The following CCDC9 variants were observed in gnomAD, a reference collection of about 807,000 sequenced individuals.
The protein encoded by CCDC9 is coiled-coil domain-containing protein 9.
Under a neutral mutation model 65.6 loss-of-function variants are expected in CCDC9, and 52 were observed. The observed-to-expected ratio is 0.79, with a 90% confidence interval of 0.63 to 1.00. The LOEUF (loss-of-function observed/expected upper bound fraction) is 1.00, where lower values mean the gene tolerates loss of function less well. Ranked by LOEUF, CCDC9 falls within the 50% of genes least tolerant of loss-of-function variation. The pLI is 0.00. For missense variants in CCDC9, 834 were observed against 757.2 expected (o/e 1.10, Z -1.19); for synonymous variants, 332 against 280.3 (o/e 1.18, Z -1.84).
downstream of CCDC9, chr19:47,271,964 C>T: frequency 7.8e-7 from 1 of 1,274,048 alleles, no homozygotes; most frequent in Non-Finnish European, 9.9e-7. Flanking sequence ...TGACATTCCC[C>T]CAGGTGTGTC....
chr19:47,275,333 G>T, downstream of CCDC9: 1 of 1,545,144 alleles, frequency 6.5e-7, no homozygotes, highest in Non-Finnish European at 8.7e-7. Context: ...CCGCGGAGGG[G>T]CGAAGACCCG....
At chr19:47,274,920 A>T (rs1294509068), downstream of CCDC9, 1 of 1,296,560 alleles carries the variant, frequency 7.7e-7, no homozygotes, top group Admixed American at 4.6e-5. Flanking sequence ...GGCTGCGGGG[A>T]TGCGGGGGAC....
chr19:47,270,476 G>A (rs770485049), intron 9 of CCDC9, 23 bp downstream of exon 9: 1 of 1,614,090 alleles, frequency 6.2e-7, no homozygotes, highest in African/African-American at 1.3e-5. Context: ...CCTTGGATGA[G>A]CTGAGGCTCG....
chr19:47,266,622 T>C lies in CCDC9; in HGVS notation c.732T>C (p.Ala244=). 1 of 1,549,250 alleles carries C rather than the reference T, an allele frequency of 6.5e-7. No individual in the cohort carries two copies. Among genetic ancestry groups the C allele is most frequent in the South Asian group, 1.2e-5 (1 of 83,828 alleles). The change falls in exon 8 of 12, where the codon GCT becomes GCC. Residue 244 remains alanine, a synonymous_variant. Coordinates refer to ENST00000221922, the MANE Select transcript of CCDC9 (RefSeq NM_015603.3). Reference sequence around the variant, plus strand: ...GGGCTGGGGGGCAGGGCCGCCGAGCTGGCCTGGGCAGTGCTGGAGACATGA... The same window carrying C: ...GGGCTGGGGGGCAGGGCCGCCGAGCCGGCCTGGGCAGTGCTGGAGACATGA... ...GLEHERQGRR[A]GLGSAGDMTL...
downstream of CCDC9, chr19:47,274,880 C>T (rs1432683468): frequency 1.9e-5 from 24 of 1,234,366 alleles, no homozygotes; most frequent in African/African-American, 3.3e-4. Context: ...GGGGGCGGGG[C>T]CTGTGCGGTC....
intron 8 of CCDC9, among the ~76,000 whole-genome samples, chr19:47,267,592 G>A (rs2059090674): frequency 6.6e-6 from 1 of 152,194 alleles, no homozygotes; most frequent in African/African-American, 2.4e-5. Context: ...CGCTTGCCCT[G>A]ACATGGGCAG....
intron 3 of CCDC9, among the ~76,000 whole-genome samples, chr19:47,259,807 A>G (rs988506514): frequency 1.3e-5 from 2 of 152,206 alleles, no homozygotes; most frequent in Non-Finnish European, 2.9e-5. Flanking sequence ...CGAGACGCAT[A>G]TGGTGCTGGG....
At chr19:47,258,446 A>G (rs764009874) in intron 2 of CCDC9, 43 bp downstream of exon 2, 31 of 1,613,570 alleles carry the variant, frequency 1.9e-5, no homozygotes, top group Non-Finnish European at 2.5e-5. Flanking sequence ...AGTTTTGGGG[A>G]AGGGGGCTTG....
downstream of CCDC9, chr19:47,275,312 G>A (rs2059152319): frequency 1.3e-6 from 2 of 1,546,348 alleles, no homozygotes; most frequent in Non-Finnish European, 1.7e-6. Flanking sequence ...CACCCAGAGA[G>A]ACGCCAGAGG....
chr19:47,264,510 G>T, intron 5 of CCDC9, 93 bp from the exon 6 acceptor site: 1 of 1,206,354 alleles, frequency 8.3e-7, no homozygotes, highest in Non-Finnish European at 1.2e-6. Flanking sequence ...AGTCCGAGGA[G>T]AGGAGCCTCA....
rs1033141809 is a variant in CCDC9 at position 47,271,085 on chromosome 19, C to A, written c.1089C>A (p.Asp363Glu). 2 of 1,549,414 alleles carry A rather than the reference C, an allele frequency of 1.3e-6. No individual in the cohort carries two copies. Among genetic ancestry groups the A allele is most frequent in the African/African-American group, 1.4e-5 (1 of 72,772 alleles). ...QAKAAPRAYS[D>E]HDDRWETKEG... ...CCCCTCCCTCTGTTCCCTCTAGTGA[C>A]CATGATGACCGCTGGGAGACAAAAG... is the stretch of plus-strand genomic sequence containing the variant. The change falls in exon 11 of 12, where the codon GAC becomes GAA. Residue 363 changes from aspartate to glutamate, a missense_variant. Physicochemically the swap from Asp to Glu is conservative, Grantham distance 45 (BLOSUM62 2). Transcript: ENST00000221922.
At position 47,260,857 on chromosome 19, in the gene CCDC9, C is replaced by T; in HGVS notation, c.462+18C>T. Reference sequence around the variant, plus strand: ...AATCCAAGGTAGGAGCTAGGCAGCGCCTGGAGCCCTGGCTGAGGTTCTCTG... The same window carrying T: ...AATCCAAGGTAGGAGCTAGGCAGCGTCTGGAGCCCTGGCTGAGGTTCTCTG... On this transcript the variant is annotated intron_variant, in intron 5 of 11. Coordinates refer to ENST00000221922, the MANE Select transcript of CCDC9 (RefSeq NM_015603.3). 1 of 1,598,636 alleles carries T rather than the reference C, an allele frequency of 6.3e-7. No homozygotes were observed.
intron 7 of CCDC9, among the ~76,000 whole-genome samples, chr19:47,265,270 G>A (rs1316784553): frequency 1.3e-5 from 2 of 152,176 alleles, no homozygotes; most frequent in Non-Finnish European, 2.9e-5. Context: ...GGCCAGGCTA[G>A]TCTTGAACTC....
At chr19:47,274,940 G>GGGC (rs2059147214), downstream of CCDC9, 1 of 1,349,694 alleles carries the variant, frequency 7.4e-7, no homozygotes, top group Non-Finnish European at 9.4e-7. Context: ...CCAGCTGCGT[G>GGGC]GGCGGCGGCG....
chr19:47,265,984 CTTTTTTTTTTTTTTT>C (rs1158302196), intron 7 of CCDC9, among the ~76,000 whole-genome samples: 13 of 72,626 alleles, frequency 1.8e-4, no homozygotes, highest in East Asian at 1.3e-3. Context: ...CCGCTCCTGG[CTTTTTTTTTTTTTTT>C]TTTTTTTTTT....
intron 5 of CCDC9, 95 bp from the exon 6 acceptor site, chr19:47,264,508 G>A: frequency 8.4e-7 from 1 of 1,184,782 alleles, no homozygotes; most frequent in Non-Finnish European, 1.2e-6. Flanking sequence ...CCAGTCCGAG[G>A]AGAGGAGCCT....
intron 5 of CCDC9, among the ~76,000 whole-genome samples, chr19:47,262,273 G>GT (rs2059051318): frequency 6.8e-6 from 1 of 147,996 alleles, no homozygotes; most frequent in African/African-American, 2.5e-5. Context: ...CTAGAGTGCA[G>GT]TGGCATGATC....
In CCDC9 at chr19:47,260,345, G is replaced by C. The variant is rs1000463159; in HGVS notation, c.133G>C (p.Ala45Pro). Residue 45 changes from alanine (A) to proline (P), a missense_variant, in exon 4 of 12, where the codon GCT (alanine) becomes CCT (proline). Transcript: ENST00000221922. ...YQEIEEDRKK[A>P]ELEGVAVTAP... ...GGAGATTGAGGAAGACCGTAAGAAA[G>C]CTGAACTTGAGGGAGTCGCAGTCAC... 2 of 1,597,470 alleles carry C rather than the reference G, an allele frequency of 1.3e-6. No homozygotes were observed. The highest frequency in any genetic ancestry group is 1.7e-6 in the Non-Finnish European group (2 of 1,171,884).
intron 3 of CCDC9, among the ~76,000 whole-genome samples, chr19:47,259,666 A>G (rs1399626512): frequency 6.6e-6 from 1 of 152,190 alleles, no homozygotes; most frequent in Non-Finnish European, 1.5e-5. Context: ...AAAAAGGCAT[A>G]TTGAATTTCC....
Sources: allele counts gnomAD v4.1 joint callset (sites outside exome capture counted in the v4.1 genomes callset), GRCh38; gene constraint gnomAD v4.1.1; transcripts MANE v1.5; gene names NCBI Gene and HGNC (gene_info 2026-07-23, HGNC 2026-07-21).